DNAJC5: variants seen among roughly 807,000 people sequenced by gnomAD.
DNAJC5 encodes dnaJ homolog subfamily C member 5.
DNAJC5 carries 1 observed loss-of-function variant against 23.2 expected under a neutral mutation model. The observed-to-expected ratio is 0.04, with a 90% CI of 0.02 to 0.20. The LOEUF is 0.20. DNAJC5 is among the 10% of genes least tolerant of loss of function. The pLI is 1.00. For missense variants in DNAJC5, 180 were observed against 267.0 expected (o/e 0.67, Z 2.27); for synonymous variants, 136 against 120.0 (o/e 1.13, Z -0.87).
chr20:63,906,461 G>A (rs550336901), intron 1 of DNAJC5, among the ~76,000 whole-genome samples: 1 of 152,118 alleles, frequency 6.6e-6, no homozygotes, highest in South Asian at 2.1e-4. Context: ...CTGCACTCCA[G>A]CTTGAGCAAT....
At chr20:63,922,204 G>T (rs571792901) in intron 1 of DNAJC5, among the ~76,000 whole-genome samples, 1 of 152,234 alleles carries the variant, frequency 6.6e-6, no homozygotes, top group African/African-American at 2.4e-5. Context: ...GCTCACGCCT[G>T]TAATCCCAGC....
At chr20:63,919,759 G>GGCAGGGGAGGTTCCCAAGAGCAGGCT (rs2053551324) in intron 1 of DNAJC5, 2 of 416,860 alleles carry the variant, frequency 4.8e-6, no homozygotes, top group Non-Finnish European at 4.5e-6. Context: ...CCGGCTGTGT[G>GGCAGGGGAGGTTCCCAAGAGCAGGCT]CACATGTGCC....
chr20:63,908,162 C>T (rs1187875919), intron 1 of DNAJC5, among the ~76,000 whole-genome samples: 2 of 152,308 alleles, frequency 1.3e-5, no homozygotes, highest in Middle Eastern at 3.4e-3. Context: ...ATTTGACTTT[C>T]GTCATAGTTG....
chr20:63,930,842 T>TC lies in DNAJC5; in HGVS notation c.322-3dup, dbSNP rs1173184036. 23 of 1,612,024 alleles carry TC rather than the reference T, an allele frequency of 1.4e-5. No homozygotes were observed. Among genetic ancestry groups the TC allele is most frequent in the Non-Finnish European group, 1.9e-5 (22 of 1,179,842 alleles). Reference sequence around the variant, plus strand: ...GAGGCCATGCAACACCACCTTCTTCTCCCCCCAGGCCCTGTTTGTCTTCTG... The same window carrying TC: ...GAGGCCATGCAACACCACCTTCTTCTCCCCCCCAGGCCCTGTTTGTCTTCTG... On this transcript the variant is annotated splice_polypyrimidine_tract_variant and intron_variant, in intron 3 of 4. Coordinates refer to ENST00000360864, the MANE Select transcript of DNAJC5 (RefSeq NM_025219.3).
Position 63,928,364 on chromosome 20 carries a change from C to A in DNAJC5, c.19C>A (p.Arg7Ser). The A allele has an allele frequency of 6.2e-7, 1 of 1,613,598 alleles. No individual in the cohort carries two copies. Among genetic ancestry groups the A allele is most frequent in the Non-Finnish European group, 8.5e-7 (1 of 1,179,668 alleles). MADQRQ[R>S]SLSTSGESLY... ...GCCTAACATGGCAGACCAGAGACAGCGCTCACTGTCTACCTCTGGGGAGTC... is the reference window on the plus strand; with the variant it reads ...GCCTAACATGGCAGACCAGAGACAGAGCTCACTGTCTACCTCTGGGGAGTC... The change falls in exon 2 of 5, where the codon CGC (arginine) becomes AGC (serine). Residue 7 changes from arginine (R) to serine (S), a missense_variant. Coordinates refer to ENST00000360864, the MANE Select transcript of DNAJC5 (RefSeq NM_025219.3). The surrounding 1 kb of genome is among the most constrained non-coding windows in gnomAD (Gnocchi z 4.6).
At chr20:63,923,762 G>T (rs147241600) in intron 1 of DNAJC5, among the ~76,000 whole-genome samples, 1 of 152,184 alleles carries the variant, frequency 6.6e-6, no homozygotes, top group Non-Finnish European at 1.5e-5. Flanking sequence ...TTTATGTGTT[G>T]AGTGATTTTG....
At chr20:63,915,465 A>G (rs994045560) in intron 1 of DNAJC5, among the ~76,000 whole-genome samples, 4 of 151,970 alleles carry the variant, frequency 2.6e-5, no homozygotes, top group Admixed American at 6.6e-5. Flanking sequence ...AAGACACACC[A>G]TAATAAGTAA....
Position 63,931,263 on chromosome 20 carries a change from G to A in DNAJC5, c.494-202G>A. On this transcript the variant is annotated intron_variant, in intron 4 of 4. Transcript: ENST00000360864. The surrounding 1 kb of genome is among the most constrained non-coding windows in gnomAD (Gnocchi z 9.6). ...AGGGACTGCGAGGCGGGGCAGGGCG[G>A]CAGGCAGTTGGGGCGGGGCTGAGGG... 1 of 780,724 alleles carries A rather than the reference G, an allele frequency of 1.3e-6. No individual in the cohort carries two copies. The highest frequency in any genetic ancestry group is 2.2e-6 in the Non-Finnish European group (1 of 461,372). 48.4% of individuals were successfully genotyped at this position (780,724 alleles called of 1,614,324 possible).
chr20:63,928,503 C>T lies in DNAJC5; in HGVS notation c.107+51C>T, dbSNP rs1208086328. 4 of 1,476,814 alleles carry T rather than the reference C, an allele frequency of 2.7e-6. No individual in the cohort carries two copies. The highest frequency in any genetic ancestry group is 3.4e-5 in the Admixed American group (2 of 59,392). 91.5% of individuals were successfully genotyped at this position (1,476,814 alleles called of 1,614,324 possible). The stretch of plus-strand genomic sequence containing the variant: ...ATCCCCCCAGGAAGACACACATGCC[C>T]CGTGTGGTTTAGTCTGCATTTTACC... On this transcript the variant is annotated intron_variant, in intron 2 of 4. Transcript: ENST00000360864. The surrounding 1 kb of genome is among the most constrained non-coding windows in gnomAD (Gnocchi z 4.6).
chr20:63,931,438 G>A lies in DNAJC5; in HGVS notation c.494-27G>A. 1 of 1,536,650 alleles carries A rather than the reference G, an allele frequency of 6.5e-7. No homozygotes were observed. Among genetic ancestry groups the A allele is most frequent in the Non-Finnish European group, 8.7e-7 (1 of 1,145,520 alleles). ...GTGCGCGCCAGGCTGTGGCCCTCGT[G>A]CAGTGCCCTGTGTGCTTGCTTTTCA... On this transcript the variant is annotated intron_variant, in intron 4 of 4. Transcript: ENST00000360864. The surrounding 1 kb of genome is among the most constrained non-coding windows in gnomAD (Gnocchi z 9.6).
At chr20:63,914,864 C>T (rs1267304871) in intron 1 of DNAJC5, among the ~76,000 whole-genome samples, 1 of 152,158 alleles carries the variant, frequency 6.6e-6, no homozygotes, top group Non-Finnish European at 1.5e-5. Context: ...GATCTGCCCT[C>T]CTCGGCCTAC....
In DNAJC5 at chr20:63,920,706, C is replaced by T. The variant is rs140809524; in HGVS notation, c.-11-7629C>T. 3.6e-3 allele frequency among the ~76,000 whole-genome samples: 543 copies of T among 152,298 alleles called. 3 individuals are homozygous for T. The highest frequency in any genetic ancestry group is 0.012 in the African/African-American group (491 of 41,548). ...TATTTATTTATTTTTGAGACTGAGT[C>T]TGACTCTGTCACCCAGGCTGGAGTG... On this transcript the variant is annotated intron_variant, in intron 1 of 4. Coordinates refer to ENST00000360864, the MANE Select transcript of DNAJC5 (RefSeq NM_025219.3). The surrounding 1 kb of genome is among the most constrained non-coding windows in gnomAD (Gnocchi z 4.6).
At position 63,904,795 on chromosome 20, in the gene DNAJC5, T is replaced by G. The variant is rs541847046; in HGVS notation, c.-12+9472T>G. Among the ~76,000 whole-genome samples, 4 of 150,976 alleles carry G rather than the reference T, an allele frequency of 2.6e-5. No individual in the cohort carries two copies. In the South Asian group the frequency reaches 6.4e-4, roughly 24 times the overall value. ...AAGGCAGATTAATAAACTGTGGGGG[T>G]TTTTTTGTTTGTTTTTGTTTTTCTT... On this transcript the variant is annotated intron_variant, in intron 1 of 4. Coordinates refer to ENST00000360864, the MANE Select transcript of DNAJC5 (RefSeq NM_025219.3).
At position 63,931,643 on chromosome 20, in the gene DNAJC5, C is replaced by A; in HGVS notation, c.*75C>A. The A allele has an allele frequency of 7.0e-7, 1 of 1,430,898 alleles. No homozygotes were observed. The highest frequency in any genetic ancestry group is 9.5e-7 in the Non-Finnish European group (1 of 1,050,520). 88.6% of individuals were successfully genotyped at this position (1,430,898 alleles called of 1,614,324 possible). A position where few individuals can be genotyped will look rare whatever the true frequency, so the allele number is the denominator to read the frequency against. ...ACCTTAGAATCATGAACTGTAGTCA[C>A]AGAGATGGGAAGGCAGCCTCCTGCC... On this transcript the variant is annotated 3_prime_UTR_variant, in exon 5 of 5. Transcript: ENST00000360864. The surrounding 1 kb of genome is among the most constrained non-coding windows in gnomAD (Gnocchi z 9.6).
intron 1 of DNAJC5, among the ~76,000 whole-genome samples, chr20:63,901,688 C>T (rs2053414143): frequency 6.6e-6 from 1 of 152,218 alleles, no homozygotes; most frequent in African/African-American, 2.4e-5. Flanking sequence ...TTTTATTTTG[C>T]TCCTCCTGTT....
Position 63,914,484 on chromosome 20 carries a change from T to C in DNAJC5, c.-11-13851T>C, listed in dbSNP as rs145781526. ...CGCCTACCACCATACCTGGCTAATT[T>C]TTTTTGGTATTTTTTGTAGAGACGG... is the stretch of plus-strand genomic sequence containing the variant. On this transcript the variant is annotated intron_variant, in intron 1 of 4. Transcript: ENST00000360864. Among the ~76,000 whole-genome samples, 387 of 152,198 alleles carry C rather than the reference T, an allele frequency of 2.5e-3. 2 individuals carry two copies. Among genetic ancestry groups the C allele is most frequent in the Middle Eastern group, 6.8e-3 (2 of 294 alleles).
At chr20:63,923,319 GTAGTCT>G (rs1422763551) in intron 1 of DNAJC5, among the ~76,000 whole-genome samples, 1 of 151,642 alleles carries the variant, frequency 6.6e-6, no homozygotes, top group African/African-American at 2.4e-5. Context: ...GCACATTCCT[GTAGTCT>G]TAGCTGCTTG....
At chr20:63,911,379 G>A (rs144223956) in intron 1 of DNAJC5, among the ~76,000 whole-genome samples, 2,553 of 152,250 alleles carry the variant, frequency 0.017, 70 homozygotes, top group African/African-American at 0.058. Flanking sequence ...GAGGGCAGGC[G>A]TTCGTTTTCT....
At chr20:63,907,884 G>C (rs1037463302) in intron 1 of DNAJC5, among the ~76,000 whole-genome samples, 1 of 152,168 alleles carries the variant, frequency 6.6e-6, no homozygotes, top group East Asian at 1.9e-4. Flanking sequence ...TCCTGTCTCA[G>C]CTTCCCCAGT....
Sources: allele counts gnomAD v4.1 joint callset (sites outside exome capture counted in the v4.1 genomes callset), GRCh38; gene constraint gnomAD v4.1.1; non-coding constraint Gnocchi (gnomAD v3.1); transcripts MANE v1.5; gene names NCBI Gene and HGNC (gene_info 2026-07-23, HGNC 2026-07-21).